Variants in EFCAB6 observed in about 807,000 individuals in gnomAD.
The protein encoded by EFCAB6 is EF-hand calcium binding domain 6.
In EFCAB6, 156 loss-of-function variants were observed where a neutral mutation model predicts 169.8. The ratio of observed to expected loss-of-function variants is 0.92; its 90% confidence interval spans 0.81 to 1.05. The LOEUF is 1.05. Among genes scored for constraint, EFCAB6 ranks in the 50% least tolerant of loss-of-function variants. The pLI, the probability that EFCAB6 is intolerant of heterozygous loss-of-function variation, is 0.00. For synonymous variants in EFCAB6, 698 were observed against 676.4 expected, an observed-to-expected ratio of 1.03 and a Z score of -0.50; for missense variants, 1,800 against 1,829.1, an observed-to-expected ratio of 0.98 and a Z score of 0.29.
chr22:43,573,005 C>T (rs1197160783), intron 26 of EFCAB6, among the ~76,000 whole-genome samples: 5 of 152,108 alleles, frequency 3.3e-5, no homozygotes, highest in African/African-American at 4.8e-5. Context: ...CCACAGGAGG[C>T]GAAAAGGCAG....
chr22:43,771,813 C>T (rs1401855971), intron 4 of EFCAB6, among the ~76,000 whole-genome samples: 2 of 152,170 alleles, frequency 1.3e-5, no homozygotes, highest in Non-Finnish European at 2.9e-5. Flanking sequence ...GGATAAATGT[C>T]GAACTGTTTT....
At chr22:43,631,957 G>T in intron 19 of EFCAB6, 148 bp downstream of exon 19, 1 of 1,223,394 alleles carries the variant, frequency 8.2e-7, no homozygotes, top group Non-Finnish European at 1.1e-6. Flanking sequence ...GCCTCTCCCT[G>T]ACCAATGCTG....
At chr22:43,632,057 G>A in intron 19 of EFCAB6, 48 bp downstream of exon 19, 1 of 1,602,790 alleles carries the variant, frequency 6.2e-7, no homozygotes, top group Non-Finnish European at 8.5e-7. Flanking sequence ...GCGTGGTTGG[G>A]AGCAGGGGAG....
intron 10 of EFCAB6, among the ~76,000 whole-genome samples, chr22:43,708,274 C>T (rs2059029448): frequency 1.3e-5 from 2 of 151,796 alleles, no homozygotes; most frequent in Admixed American, 6.6e-5. Flanking sequence ...GGCATGGTGG[C>T]GCATGCCTGT....
Position 43,600,098 on chromosome 22 carries a change from C to T in EFCAB6, c.2847G>A (p.Gln949=). Residue 949 remains glutamine (Q), a synonymous_variant, in exon 23 of 32, where the codon CAG becomes CAA. Coordinates refer to ENST00000262726, the MANE Select transcript of EFCAB6 (RefSeq NM_022785.4). ...QQLQEEMKEL[Q]QSTEKAVAAR... ...CTGCCACAGCCTTCTCTGTGCTCTG[C>T]TGCAGCTCCTTCATCTCTTCCTGTA... 1.2e-6 allele frequency: 2 copies of T among 1,614,158 alleles called. No individual in the cohort carries two copies. Among genetic ancestry groups the T allele is most frequent in the African/African-American group, 2.7e-5 (2 of 75,060 alleles).
chr22:43,723,880 C>T (rs2059626604), intron 8 of EFCAB6, among the ~76,000 whole-genome samples: 1 of 152,156 alleles, frequency 6.6e-6, no homozygotes, highest in Non-Finnish European at 1.5e-5. Context: ...GCAGCAAGCC[C>T]ATCGAGCAGG....
At chr22:43,675,742 G>T in intron 13 of EFCAB6, among the ~76,000 whole-genome samples, 1 of 144,994 alleles carries the variant, frequency 6.9e-6, no homozygotes, top group Non-Finnish European at 1.5e-5. Flanking sequence ...ATTAATTAAT[G>T]TAATTGTAAA....
chr22:43,798,279 G>A (rs935834586), intron 2 of EFCAB6, among the ~76,000 whole-genome samples: 1 of 151,992 alleles, frequency 6.6e-6, no homozygotes, highest in Non-Finnish European at 1.5e-5. Flanking sequence ...AGTTACTTGG[G>A]AGGCGGAGGT....
At chr22:43,594,720 G>C (rs2051863356) in intron 23 of EFCAB6, among the ~76,000 whole-genome samples, 1 of 152,190 alleles carries the variant, frequency 6.6e-6, no homozygotes, top group South Asian at 2.1e-4. Flanking sequence ...GCAATGGGCA[G>C]ATCATCCAGA....
chr22:43,537,182 G>T lies in EFCAB6; in HGVS notation c.4048+195C>A. On this transcript the variant is annotated intron_variant, in intron 29 of 31. Coordinates refer to ENST00000262726, the MANE Select transcript of EFCAB6 (RefSeq NM_022785.4). This position sits in a 1 kb window ranked among gnomAD's most constrained non-coding sequence, Gnocchi z 4.3. Reference sequence around the variant, plus strand: ...CATGCAGATGGGCCCCCTGCTGGGAGGGCCGGGTAGTCGGAATCCTCCTCC... The same window carrying T: ...CATGCAGATGGGCCCCCTGCTGGGATGGCCGGGTAGTCGGAATCCTCCTCC... The T allele has an allele frequency of 1.7e-6, 1 of 592,946 alleles. No individual in the cohort carries two copies. Among genetic ancestry groups the T allele is most frequent in the South Asian group, 2.9e-5 (1 of 34,714 alleles). The allele number at this position is 592,946 out of a possible 1,614,324, so 36.7% of individuals were successfully genotyped here. A position where few individuals can be genotyped will look rare whatever the true frequency, so the allele number is the denominator to read the frequency against.
chr22:43,679,669 T>C (rs979609749), intron 12 of EFCAB6, among the ~76,000 whole-genome samples: 4 of 152,184 alleles, frequency 2.6e-5, no homozygotes, highest in Non-Finnish European at 5.9e-5. Context: ...TTTTTGATTA[T>C]AGCCATCCTA....
chr22:43,805,931 G>A lies in EFCAB6; in HGVS notation c.-8+3064C>T, dbSNP rs550807424. On this transcript the variant is annotated intron_variant, in intron 2 of 31. Coordinates refer to ENST00000262726, the MANE Select transcript of EFCAB6 (RefSeq NM_022785.4). ...TGTAATCCCAACATTTTGGGAGGCC[G>A]AGGTGGGCAGATCACTTGAGGCCAG... Among the ~76,000 whole-genome samples the A allele has an allele frequency of 3.8e-3, 576 of 152,258 alleles. 1 individual carries two copies. The highest frequency in any genetic ancestry group is 6.8e-3 in the Middle Eastern group (2 of 294).
At chr22:43,668,679 G>C (rs2057361308) in intron 16 of EFCAB6, among the ~76,000 whole-genome samples, 193 bp downstream of exon 16, 2 of 152,160 alleles carry the variant, frequency 1.3e-5, no homozygotes, top group African/African-American at 2.4e-5. Flanking sequence ...AATTTAAAAG[G>C]TAAATTCAAT....
At chr22:43,659,535 C>G (rs569331041) in intron 17 of EFCAB6, among the ~76,000 whole-genome samples, 6 of 151,998 alleles carry the variant, frequency 3.9e-5, no homozygotes, top group African/African-American at 7.2e-5. Flanking sequence ...TGGTGCATGC[C>G]CGTGGTCCCA....
rs1395959263 is a variant in EFCAB6, at chr22:43,672,296, T to G, written c.1429A>C (p.Thr477Pro). 6.2e-7 allele frequency: 1 copy of G among 1,614,124 alleles called. No homozygotes were observed. The highest frequency in any genetic ancestry group is 1.1e-5 in the South Asian group (1 of 91,074). Residue 477 changes from threonine to proline, a missense_variant, in exon 14 of 32, where the codon ACA (threonine) becomes CCA (proline). Coordinates refer to ENST00000262726, the MANE Select transcript of EFCAB6 (RefSeq NM_022785.4). ...LIEENCRMRK[T>P]SPCTDAKTPF... is the part of the protein sequence containing the mutation. ...GTCTTAGCATCTGTACAGGGAGATG[T>G]CTTTCTCATCTAATTGGGAAAGAGA...
chr22:43,605,362 G>C (rs1307938941), intron 22 of EFCAB6, among the ~76,000 whole-genome samples: 1 of 152,104 alleles, frequency 6.6e-6, no homozygotes, highest in African/African-American at 2.4e-5. Context: ...ACTCCACAAG[G>C]GGCCAGGCCT....
intron 26 of EFCAB6, among the ~76,000 whole-genome samples, chr22:43,568,294 T>G (rs1374362237): frequency 6.6e-6 from 1 of 152,254 alleles, no homozygotes; most frequent in African/African-American, 2.4e-5. Flanking sequence ...GGGTGTGTGA[T>G]GACAGTTAAG....
intron 17 of EFCAB6, among the ~76,000 whole-genome samples, chr22:43,647,363 ATATATT>A (rs1182802893): frequency 1.1e-4 from 17 of 152,362 alleles, no homozygotes; most frequent in African/African-American, 3.8e-4. Flanking sequence ...TATTTGGAAA[ATATATT>A]TGTATTGAAG....
At chr22:43,625,261 AC>A in intron 20 of EFCAB6, among the ~76,000 whole-genome samples, 1 of 152,174 alleles carries the variant, frequency 6.6e-6, no homozygotes, top group East Asian at 1.9e-4. Flanking sequence ...TAGATGCGAT[AC>A]CTGTCTAGAA....
Sources: allele counts gnomAD v4.1 joint callset (sites outside exome capture counted in the v4.1 genomes callset), GRCh38; gene constraint gnomAD v4.1.1; non-coding constraint Gnocchi (gnomAD v3.1); transcripts MANE v1.5; gene names NCBI Gene and HGNC (gene_info 2026-07-23, HGNC 2026-07-21).